Variants in PROS1 observed in about 807,000 individuals in gnomAD.
The protein encoded by PROS1 is protein S.
Under a neutral mutation model 75.9 loss-of-function variants are expected in PROS1, and 29 were observed. That is an observed-to-expected ratio of 0.38 (90% confidence interval 0.28 to 0.52). The LOEUF (loss-of-function observed/expected upper bound fraction) is 0.52, where lower values mean the gene tolerates loss of function less well. PROS1 is among the 20% of genes least tolerant of loss of function. The pLI is 0.83. For missense variants in PROS1, 680 were observed against 810.3 expected (o/e 0.84, Z 1.95); for synonymous variants, 245 against 280.6 (o/e 0.87, Z 1.27).
intron 6 of PROS1, among the ~76,000 whole-genome samples, chr3:93,902,749 CAA>C (rs529822667): frequency 2.3e-5 from 3 of 130,728 alleles, no homozygotes; most frequent in Non-Finnish European, 1.6e-5. Flanking sequence ...GACTCTGTCT[CAA>C]AAAAAAAAAA....
At chr3:93,963,692 C>T (rs947422698) in intron 1 of PROS1, among the ~76,000 whole-genome samples, 3 of 126,988 alleles carry the variant, frequency 2.4e-5, no homozygotes, top group Non-Finnish European at 3.6e-5. Context: ...AGAATGGGAG[C>T]GCGAGCTAGA....
At chr3:93,956,451 C>T (rs1270395157) in intron 1 of PROS1, among the ~76,000 whole-genome samples, 1 of 151,654 alleles carries the variant, frequency 6.6e-6, no homozygotes, top group East Asian at 1.9e-4. Context: ...AAGCTGAGAT[C>T]ATGCCACTGC....
Position 93,884,891 on chromosome 3 carries a change from G to A in PROS1, c.1329C>T (p.Asn443=). The part of the protein sequence containing the change: ...KVESELIKPI[N]PRLDGCIRSW... ...TTCGTATACATCCATCTAGACGAGG[G>A]TTAATCTAACAAATTAAAATACAAG... The change falls in exon 12 of 15, where the codon AAC becomes AAT. Residue 443 remains asparagine (N), a synonymous_variant. Transcript: ENST00000394236. 6.2e-7 allele frequency: 1 copy of A among 1,612,302 alleles called. No individual in the cohort carries two copies. Among genetic ancestry groups the A allele is most frequent in the Non-Finnish European group, 8.5e-7 (1 of 1,179,102 alleles).
In PROS1 at chr3:93,973,702, G is replaced by T. The variant is rs559292587; in HGVS notation, c.48C>A (p.Leu16=). The change falls in exon 1 of 15, where the codon CTC becomes CTA. Residue 16 remains leucine, a synonymous_variant. Transcript: ENST00000394236. The part of the protein sequence containing the change: ...GRCGALLACL[L]LVLPVSEANF... The stretch of plus-strand genomic sequence containing the variant: ...TTGCCTCTGAGACGGGAAGCACTAG[G>T]AGGAGACACGCCAGCAGCGCCCCGC... 3.4e-4 allele frequency: 551 copies of T among 1,614,040 alleles called. 2 individuals carry two copies. In the South Asian group the frequency reaches 5.6e-3, roughly 17 times the overall value.
intron 1 of PROS1, among the ~76,000 whole-genome samples, chr3:93,939,721 TG>T (rs1709252136): frequency 6.6e-6 from 1 of 151,982 alleles, no homozygotes. Flanking sequence ...GCCCAGTTTA[TG>T]GCTTGTTTAG....
chr3:93,927,874 T>C (rs1347593825), intron 1 of PROS1, among the ~76,000 whole-genome samples: 3 of 133,820 alleles, frequency 2.2e-5, no homozygotes, highest in Non-Finnish European at 4.8e-5. Context: ...TATATATATA[T>C]GTGTGTATGT....
rs753058382 is a variant in PROS1 at position 93,910,747 on chromosome 3, C to A, written c.260-42G>T. The A allele has an allele frequency of 2.0e-5, 30 of 1,481,196 alleles. No homozygotes were observed. In the South Asian group the frequency reaches 3.2e-4, roughly 16 times the overall value. The allele number at this position is 1,481,196 out of a possible 1,614,324, so 91.8% of individuals were successfully genotyped here. A position where few individuals can be genotyped will look rare whatever the true frequency, so the allele number is the denominator to read the frequency against. On this transcript the variant is annotated intron_variant, in intron 3 of 14. Coordinates refer to ENST00000394236, the MANE Select transcript of PROS1 (RefSeq NM_000313.4). ...ACATAATCTTCTTAGAGTAGACACACATACTTGATCTGAATTCATGGTAGG... is the reference window on the plus strand; with the variant it reads ...ACATAATCTTCTTAGAGTAGACACAAATACTTGATCTGAATTCATGGTAGG...
rs201334561 is a variant in PROS1 at position 93,905,766 on chromosome 3, C to G, written c.601+18G>C. ...CTCACATAGTAAATGTGTTTTAATT[C>G]TACCATCCTGCTCTTACCTTTACAA... On this transcript the variant is annotated intron_variant, in intron 6 of 14. Transcript: ENST00000394236. The G allele has an allele frequency of 1.1e-4, 184 of 1,609,276 alleles. No individual in the cohort carries two copies. Among genetic ancestry groups the G allele is most frequent in the Middle Eastern group, 1.6e-4 (1 of 6,072 alleles).
At chr3:93,889,935 C>T (rs1187098220) in intron 10 of PROS1, among the ~76,000 whole-genome samples, 1 of 152,092 alleles carries the variant, frequency 6.6e-6, no homozygotes, top group East Asian at 1.9e-4. Context: ...TGACTGCGTG[C>T]AGGGTCGGGC....
At chr3:93,894,778 G>T (rs1270523365) in intron 9 of PROS1, among the ~76,000 whole-genome samples, 1 of 152,072 alleles carries the variant, frequency 6.6e-6, no homozygotes, top group Non-Finnish European at 1.5e-5. Context: ...TCTTTGTGTT[G>T]ATCACACAAG....
chr3:93,924,937 G>T (rs895452453), intron 2 of PROS1, among the ~76,000 whole-genome samples: 2 of 151,970 alleles, frequency 1.3e-5, no homozygotes, highest in African/African-American at 2.4e-5. Context: ...CCAAAGTGCT[G>T]GAATTACAGG....
chr3:93,927,336 T>C lies in PROS1; in HGVS notation c.148A>G (p.Lys50Glu), dbSNP rs748630360. Residue 50 changes from lysine to glutamate, a missense_variant, in exon 2 of 15, where the codon AAA becomes GAA. Coordinates refer to ENST00000394236, the MANE Select transcript of PROS1 (RefSeq NM_000313.4). The stretch of plus-strand genomic sequence containing the variant: ...CATTCTCTTTCAAGATTACCCTGTT[T>C]GGTTTCTTCAAGTAAAGAATTTGCA... Reference protein sequence around the residue: ...RRANSLLEETKQGNLERECIE... With the variant: ...RRANSLLEETEQGNLERECIE... 143 of 1,613,816 alleles carry C rather than the reference T, an allele frequency of 8.9e-5. No homozygotes were observed. The highest frequency in any genetic ancestry group is 1.2e-4 in the Non-Finnish European group (140 of 1,179,990).
At chr3:93,903,493 A>G (rs112842259) in intron 6 of PROS1, among the ~76,000 whole-genome samples, 5 of 152,064 alleles carry the variant, frequency 3.3e-5, no homozygotes, top group African/African-American at 1.2e-4. Context: ...ACAAAACTCC[A>G]TCTGTCTCTG....
chr3:93,948,700 A>G (rs192951641), intron 1 of PROS1, among the ~76,000 whole-genome samples: 3 of 152,342 alleles, frequency 2.0e-5, no homozygotes, highest in African/African-American at 7.2e-5. Flanking sequence ...TTTTAAGTCT[A>G]AAGATTATAT....
chr3:93,948,942 GT>G (rs1412131499), intron 1 of PROS1, among the ~76,000 whole-genome samples: 1 of 152,102 alleles, frequency 6.6e-6, no homozygotes, highest in Non-Finnish European at 1.5e-5. Flanking sequence ...CTGGTTGTTA[GT>G]TACATTTTTC....
intron 1 of PROS1, among the ~76,000 whole-genome samples, chr3:93,932,742 A>C (rs1427489537): frequency 6.6e-6 from 1 of 152,170 alleles, no homozygotes; most frequent in Admixed American, 6.6e-5. Context: ...CCTCCAAAAA[A>C]TAATTTATTG....
chr3:93,957,192 T>C (rs1011587896), intron 1 of PROS1, among the ~76,000 whole-genome samples: 18 of 152,242 alleles, frequency 1.2e-4, no homozygotes, highest in East Asian at 5.8e-4. Flanking sequence ...AACTTACTGA[T>C]ACAAAAACAA....
chr3:93,874,253 T>A lies in PROS1; in HGVS notation c.2023A>T (p.Asn675Tyr). 6.2e-7 allele frequency: 1 copy of A among 1,613,318 alleles called. No individual in the cohort carries two copies. The change falls in exon 15 of 15, where the codon AAT becomes TAT. Residue 675 changes from asparagine (N) to tyrosine (Y), a missense_variant. By Grantham distance (143) the Asn-to-Tyr change is moderately radical. Transcript: ENST00000394236. ...SCPSVWKKTKNS is the reference protein window; with the variant it reads ...SCPSVWKKTKYS ...AGCAGAGAAAAGATGCCTTAAGAAT[T>A]CTTTGTCTTTTTCCAAACTGATGGA...
chr3:93,931,001 T>A (rs917980252), intron 1 of PROS1, among the ~76,000 whole-genome samples: 1 of 152,182 alleles, frequency 6.6e-6, no homozygotes, highest in Non-Finnish European at 1.5e-5. Flanking sequence ...CAACAAAAAA[T>A]TTTGTCTAAA....
Sources: allele counts gnomAD v4.1 joint callset (sites outside exome capture counted in the v4.1 genomes callset), GRCh38; gene constraint gnomAD v4.1.1; transcripts MANE v1.5; gene names NCBI Gene and HGNC (gene_info 2026-07-23, HGNC 2026-07-21).